Variants in DPP10 observed in about 807,000 individuals in gnomAD.
DPP10 encodes the protein inactive dipeptidyl peptidase 10.
Under a neutral mutation model 120.9 loss-of-function variants are expected in DPP10, and 33 were observed. The observed-to-expected ratio is 0.27, with a 90% CI of 0.21 to 0.37. The LOEUF is 0.37. Ranked by LOEUF, DPP10 falls within the 10% of genes least tolerant of loss-of-function variation. The pLI, the probability that DPP10 is intolerant of heterozygous loss-of-function variation, is 1.00. For missense variants in DPP10, 816 were observed against 942.8 expected (o/e 0.87, Z 1.76); for synonymous variants, 337 against 326.1 (o/e 1.03, Z -0.36).
intron 3 of DPP10, among the ~76,000 whole-genome samples, chr2:115,365,016 G>A (rs554406879): frequency 3.3e-5 from 5 of 152,152 alleles, no homozygotes; most frequent in Admixed American, 1.3e-4. Flanking sequence ...CACAGAGTAT[G>A]GTGTGATTAC....
intron 11 of DPP10, among the ~76,000 whole-genome samples, chr2:115,760,832 C>T (rs1680023332): frequency 6.6e-6 from 1 of 152,190 alleles, no homozygotes; most frequent in South Asian, 2.1e-4. Flanking sequence ...TGTGGTGGCT[C>T]ATGCTTGTAA....
At chr2:114,591,133 C>A (rs1006643068) in intron 1 of DPP10, among the ~76,000 whole-genome samples, 2 of 152,138 alleles carry the variant, frequency 1.3e-5, no homozygotes, top group Non-Finnish European at 2.9e-5. Flanking sequence ...GGTATCACAG[C>A]CCACTTAAAA....
intron 4 of DPP10, among the ~76,000 whole-genome samples, chr2:115,507,035 C>CAA (rs2076984923): frequency 1.4e-5 from 2 of 142,472 alleles, no homozygotes; most frequent in Admixed American, 6.9e-5. Flanking sequence ...CACGCACGCG[C>CAA]ACACACACAC....
At chr2:115,693,212 G>C (rs2149508235) in intron 7 of DPP10, among the ~76,000 whole-genome samples, 1 of 152,258 alleles carries the variant, frequency 6.6e-6, no homozygotes, top group African/African-American at 2.4e-5. Context: ...ATCCCACTAT[G>C]ATATTTCTGA....
intron 11 of DPP10, among the ~76,000 whole-genome samples, chr2:115,760,134 G>A (rs1679936133): frequency 6.6e-6 from 1 of 152,162 alleles, no homozygotes; most frequent in African/African-American, 2.4e-5. Context: ...CTGTAGAGAA[G>A]CTTTATTTAC....
At chr2:115,366,294 A>G (rs568148397) in intron 3 of DPP10, among the ~76,000 whole-genome samples, 1 of 152,052 alleles carries the variant, frequency 6.6e-6, no homozygotes, top group South Asian at 2.1e-4. Context: ...TTTACCTTAC[A>G]TTACTTATAT....
intron 1 of DPP10, among the ~76,000 whole-genome samples, chr2:114,539,533 C>T (rs1015431387): frequency 1.3e-5 from 2 of 152,110 alleles, no homozygotes; most frequent in African/African-American, 4.8e-5. Flanking sequence ...TTGCATATTC[C>T]AAGTGCTTTC....
intron 1 of DPP10, among the ~76,000 whole-genome samples, chr2:114,570,861 G>C (rs200049691): frequency 1.7e-5 from 2 of 115,824 alleles, no homozygotes; most frequent in Non-Finnish European, 3.6e-5. Flanking sequence ...AAAAAAAAAA[G>C]AAAAGTAGAT....
chr2:115,510,789 T>G (rs2077182640), intron 4 of DPP10, among the ~76,000 whole-genome samples: 1 of 152,168 alleles, frequency 6.6e-6, no homozygotes, highest in Non-Finnish European at 1.5e-5. Context: ...GTCTTTTAAT[T>G]TATTTAGATA....
At chr2:115,490,030 G>A (rs1393529811) in intron 3 of DPP10, among the ~76,000 whole-genome samples, 2 of 152,104 alleles carry the variant, frequency 1.3e-5, no homozygotes, top group South Asian at 2.1e-4. Flanking sequence ...TTACCAATCA[G>A]AAAATCTTTG....
rs35046366 is a variant in DPP10, at chr2:115,321,515, G to GTTTT, written c.175+12175_175+12178dup. Among the ~76,000 whole-genome samples the GTTTT allele has an allele frequency of 1.6e-4, 20 of 121,576 alleles. 2 individuals are homozygous for GTTTT. The highest frequency in any genetic ancestry group is 2.6e-4 in the Non-Finnish European group (16 of 60,994). 79.8% of individuals were successfully genotyped at this position (121,576 alleles called of 152,430 possible). On this transcript the variant is annotated intron_variant, in intron 2 of 25. Transcript: ENST00000410059. Reference sequence around the variant, plus strand: ...GTGTCTCAGAATGCATTTTTTTAGTGTTTTTTTTTTTTTTTTGAGTTTGTT... The same window carrying GTTTT: ...GTGTCTCAGAATGCATTTTTTTAGTGTTTTTTTTTTTTTTTTTTTTGAGTTTGTT...
chr2:114,522,448 T>G (rs1685149897), intron 1 of DPP10, among the ~76,000 whole-genome samples: 1 of 152,182 alleles, frequency 6.6e-6, no homozygotes, highest in Admixed American at 6.5e-5. Flanking sequence ...AACTCTGGGT[T>G]AGAGAACTCA....
intron 3 of DPP10, among the ~76,000 whole-genome samples, chr2:115,378,681 C>T (rs2066016489): frequency 6.6e-6 from 1 of 151,938 alleles, no homozygotes; most frequent in Non-Finnish European, 1.5e-5. Flanking sequence ...ATGATATTGG[C>T]TGTGGGTTTG....
At chr2:115,042,267 A>G (rs942079795) in intron 1 of DPP10, among the ~76,000 whole-genome samples, 15 of 151,848 alleles carry the variant, frequency 9.9e-5, no homozygotes, top group African/African-American at 3.4e-4. Flanking sequence ...TGTCATTGCT[A>G]TTGTAATTAT....
At chr2:114,643,936 T>TATATA (rs34716174) in intron 1 of DPP10, among the ~76,000 whole-genome samples, 1 of 112,068 alleles carries the variant, frequency 8.9e-6, no homozygotes, top group Admixed American at 8.2e-5. Context: ...TATATATATA[T>TATATA]TTTTTTTTTT....
At chr2:115,357,735 T>C (rs2064491541) in intron 3 of DPP10, among the ~76,000 whole-genome samples, 1 of 152,182 alleles carries the variant, frequency 6.6e-6, no homozygotes, top group Non-Finnish European at 1.5e-5. Flanking sequence ...CTATGAGGAC[T>C]CCACCCCTGC....
At chr2:115,016,573 C>T (rs764443947) in intron 1 of DPP10, among the ~76,000 whole-genome samples, 3 of 151,858 alleles carry the variant, frequency 2.0e-5, no homozygotes, top group Non-Finnish European at 4.4e-5. Context: ...AGGCAACCTA[C>T]AGAATGGGGG....
chr2:114,759,400 A>C (rs995717208), intron 1 of DPP10, among the ~76,000 whole-genome samples: 45 of 152,172 alleles, frequency 3.0e-4, no homozygotes, highest in African/African-American at 1.1e-3. Flanking sequence ...CTTATCTTTC[A>C]GACAGTGGAA....
intron 1 of DPP10, among the ~76,000 whole-genome samples, chr2:115,298,540 G>C (rs1417106943): frequency 6.6e-6 from 1 of 151,976 alleles, no homozygotes; most frequent in African/African-American, 2.4e-5. Context: ...AACAAAGATT[G>C]CTCAGTCCTT....
Sources: allele counts gnomAD v4.1 joint callset (sites outside exome capture counted in the v4.1 genomes callset), GRCh38; gene constraint gnomAD v4.1.1; transcripts MANE v1.5; gene names NCBI Gene and HGNC (gene_info 2026-07-23, HGNC 2026-07-21).